The following SLIT2 variants were observed in gnomAD, a reference collection of about 807,000 sequenced individuals.
SLIT2 encodes the protein slit guidance ligand 2, also known as slit homolog 2 protein.
SLIT2 carries 41 observed loss-of-function variants against 185.7 expected under a neutral mutation model. That is an observed-to-expected ratio of 0.22 (90% CI 0.17 to 0.29). SLIT2 has a LOEUF of 0.29. Ranked by LOEUF, SLIT2 falls within the 10% of genes least tolerant of loss-of-function variation. The pLI is 1.00. For missense variants in SLIT2, 1,571 were observed against 1,909.0 expected, an observed-to-expected ratio of 0.82 and a Z score of 3.30; for synonymous variants, 693 against 680.2, an observed-to-expected ratio of 1.02 and a Z score of -0.29.
chr4:20,441,420 C>T lies in SLIT2; in HGVS notation c.396-26332C>T, dbSNP rs150010809. 1.4e-3 allele frequency among the ~76,000 whole-genome samples: 215 copies of T among 151,998 alleles called. 1 individual carries two copies. The highest frequency in any genetic ancestry group is 4.9e-3 in the African/African-American group (203 of 41,438). On this transcript the variant is annotated intron_variant, in intron 4 of 36. Coordinates refer to ENST00000504154, the MANE Select transcript of SLIT2 (RefSeq NM_004787.4). ...AGTTTGTCTGGATAAGCTTGCTTGCCCCCAGTGTGGATTTGCTGCAAAATA... is the reference window on the plus strand; with the variant it reads ...AGTTTGTCTGGATAAGCTTGCTTGCTCCCAGTGTGGATTTGCTGCAAAATA...
chr4:20,451,229 T>TCA (rs1253990668), intron 4 of SLIT2, among the ~76,000 whole-genome samples: 1 of 152,128 alleles, frequency 6.6e-6, no homozygotes, highest in Non-Finnish European at 1.5e-5. Flanking sequence ...TGTCACTCAG[T>TCA]CACACTTAGT....
At chr4:20,503,387 G>A (rs1718908481) in intron 9 of SLIT2, among the ~76,000 whole-genome samples, 1 of 152,094 alleles carries the variant, frequency 6.6e-6, no homozygotes, top group Non-Finnish European at 1.5e-5. Flanking sequence ...TGGAGAGTTA[G>A]CTCAGTGTCT....
chr4:20,313,999 G>A (rs989895839), intron 4 of SLIT2, among the ~76,000 whole-genome samples: 2 of 152,264 alleles, frequency 1.3e-5, no homozygotes, highest in Admixed American at 1.3e-4. Flanking sequence ...CATCTCTTAT[G>A]ACTGCAAATT....
chr4:20,491,337 C>T (rs1290625906), intron 8 of SLIT2, among the ~76,000 whole-genome samples: 1 of 151,942 alleles, frequency 6.6e-6, no homozygotes, highest in African/African-American at 2.4e-5. Flanking sequence ...GTTTTGTTTT[C>T]TTTTTTAAAA....
intron 4 of SLIT2, among the ~76,000 whole-genome samples, chr4:20,342,879 G>T (rs1721078724): frequency 6.6e-6 from 1 of 151,578 alleles, no homozygotes; most frequent in Non-Finnish European, 1.5e-5. Flanking sequence ...AATCCTGCCT[G>T]CCTTGCCTGC....
At chr4:20,477,351 G>T (rs140866747) in intron 5 of SLIT2, among the ~76,000 whole-genome samples, 14 of 151,910 alleles carry the variant, frequency 9.2e-5, no homozygotes, top group Admixed American at 7.2e-4. Context: ...GGTGCCCACC[G>T]CCACGCCTGG....
intron 4 of SLIT2, among the ~76,000 whole-genome samples, chr4:20,384,151 C>CT (rs1724754761): frequency 6.6e-6 from 1 of 151,620 alleles, no homozygotes; most frequent in Non-Finnish European, 1.5e-5. Context: ...TGTTCATTAG[C>CT]TTTTTGCTGT....
chr4:20,403,474 G>A (rs1423102103), intron 4 of SLIT2, among the ~76,000 whole-genome samples: 1 of 151,800 alleles, frequency 6.6e-6, no homozygotes, highest in Non-Finnish European at 1.5e-5. Context: ...GACCTAGCAG[G>A]GCTCCCTGTA....
chr4:20,371,051 T>A (rs1723530412), intron 4 of SLIT2, among the ~76,000 whole-genome samples: 1 of 152,060 alleles, frequency 6.6e-6, no homozygotes, highest in Non-Finnish European at 1.5e-5. Flanking sequence ...GATGGCATAG[T>A]TTCTTATTTC....
intron 4 of SLIT2, among the ~76,000 whole-genome samples, chr4:20,406,392 C>A (rs978430215): frequency 4.9e-5 from 7 of 143,246 alleles, no homozygotes; most frequent in African/African-American, 1.7e-4. Context: ...ATATATGTAA[C>A]CACTGAAGGA....
rs140479905 is a variant in SLIT2 at position 20,548,170 on chromosome 4, C to T, written c.2346-318C>T. On this transcript the variant is annotated intron_variant, in intron 22 of 36. Coordinates refer to ENST00000504154, the MANE Select transcript of SLIT2 (RefSeq NM_004787.4). Reference sequence around the variant, plus strand: ...ATATCAAAAGCCTTATGGAGATGGGCGCAGAGGGATAAGGGCAAATAAACT... The same window carrying T: ...ATATCAAAAGCCTTATGGAGATGGGTGCAGAGGGATAAGGGCAAATAAACT... 4.0e-3 allele frequency among the ~76,000 whole-genome samples: 609 copies of T among 152,120 alleles called. 9 individuals are homozygous for T. The highest frequency in any genetic ancestry group is 0.014 in the African/African-American group (569 of 41,528).
chr4:20,379,293 A>C (rs1016374774), intron 4 of SLIT2, among the ~76,000 whole-genome samples: 1 of 152,196 alleles, frequency 6.6e-6, no homozygotes, highest in African/African-American at 2.4e-5. Flanking sequence ...TGTAATGAAC[A>C]TAAACTGCTC....
At chr4:20,454,114 T>C (rs1712781863) in intron 4 of SLIT2, among the ~76,000 whole-genome samples, 1 of 152,186 alleles carries the variant, frequency 6.6e-6, no homozygotes, top group Admixed American at 6.6e-5. Flanking sequence ...TTCTAAAGGA[T>C]AGAAAGCATT....
intron 2 of SLIT2, among the ~76,000 whole-genome samples, chr4:20,257,195 CAG>C (rs1315078597): frequency 6.6e-5 from 10 of 152,044 alleles, no homozygotes; most frequent in African/African-American, 9.7e-5. Context: ...AAATTTTCAG[CAG>C]AGTTTATAAT....
chr4:20,500,812 T>C (rs1718662551), intron 9 of SLIT2, among the ~76,000 whole-genome samples: 1 of 152,170 alleles, frequency 6.6e-6, no homozygotes, highest in Non-Finnish European at 1.5e-5. Flanking sequence ...GCAATTAGAA[T>C]TGCGTTCTCA....
intron 5 of SLIT2, among the ~76,000 whole-genome samples, chr4:20,469,563 T>TC (rs1714737547): frequency 1.3e-5 from 2 of 152,188 alleles, no homozygotes; most frequent in Admixed American, 6.5e-5. Context: ...AAATCTTTTC[T>TC]CCCCCACAGG....
At chr4:20,517,565 C>A (rs1577835977) in intron 11 of SLIT2, among the ~76,000 whole-genome samples, 1 of 151,992 alleles carries the variant, frequency 6.6e-6, no homozygotes. Context: ...AAAATGGTTT[C>A]TTCTCTAATT....
At chr4:20,286,202 T>C (rs556579478) in intron 4 of SLIT2, among the ~76,000 whole-genome samples, 19 of 152,332 alleles carry the variant, frequency 1.2e-4, no homozygotes, top group African/African-American at 4.6e-4. Flanking sequence ...ATCCTCATGG[T>C]AATCTCTTTT....
chr4:20,553,130 C>G (rs903240748), intron 25 of SLIT2, among the ~76,000 whole-genome samples: 4 of 152,162 alleles, frequency 2.6e-5, no homozygotes, highest in African/African-American at 7.2e-5. Context: ...TGAGCTAGCT[C>G]TAGACATCTT....
Sources: gnomAD v4.1 joint callset for allele counts (sites outside exome capture counted in the v4.1 genomes callset) on GRCh38, gnomAD v4.1.1 for gene constraint, MANE v1.5 for transcripts, NCBI Gene and HGNC (gene_info 2026-07-23, HGNC 2026-07-21) for gene names.